The following WWOX variants were observed in gnomAD, a reference collection of about 807,000 sequenced individuals.
WWOX encodes WW domain-containing oxidoreductase.
A neutral mutation model predicts 46.2 loss-of-function variants in WWOX; 69 were observed. That is an observed-to-expected ratio of 1.49 (90% CI 1.23 to 1.82). The LOEUF is 1.82. Among genes scored for constraint, WWOX ranks in the 40% most tolerant of loss-of-function variants. WWOX has a pLI of 0.00. For synonymous variants in WWOX, 359 were observed against 202.6 expected (o/e 1.77, Z -6.56); for missense variants, 919 against 542.6 (o/e 1.69, Z -6.89).
chr16:78,158,731 T>A (rs1349944666), intron 4 of WWOX, among the ~76,000 whole-genome samples: 2 of 152,176 alleles, frequency 1.3e-5, no homozygotes, highest in Non-Finnish European at 2.9e-5. Context: ...ACAACTTTAT[T>A]GAGGTATGAT....
intron 8 of WWOX, among the ~76,000 whole-genome samples, chr16:79,012,009 T>C (rs925058420): frequency 6.6e-6 from 1 of 152,112 alleles, no homozygotes; most frequent in African/African-American, 2.4e-5. Context: ...TGTCCCTCAC[T>C]TCTGAATAGT....
At chr16:78,713,755 G>C (rs1160094155) in intron 8 of WWOX, among the ~76,000 whole-genome samples, 1 of 152,134 alleles carries the variant, frequency 6.6e-6, no homozygotes, top group Non-Finnish European at 1.5e-5. Context: ...TCAGAACTGT[G>C]AGAAAATCAA....
At chr16:79,046,180 G>C (rs1567512048) in intron 8 of WWOX, among the ~76,000 whole-genome samples, 5 of 152,190 alleles carry the variant, frequency 3.3e-5, no homozygotes. Flanking sequence ...TTGCTCAAGA[G>C]AAGTAGCCAC....
intron 8 of WWOX, among the ~76,000 whole-genome samples, chr16:78,466,991 A>T (rs930371380): frequency 6.6e-6 from 1 of 151,638 alleles, no homozygotes; most frequent in African/African-American, 2.4e-5. Flanking sequence ...CCTACCCTGC[A>T]TGGGGTTATT....
At chr16:78,910,709 G>A (rs575840017) in intron 8 of WWOX, among the ~76,000 whole-genome samples, 1 of 152,090 alleles carries the variant, frequency 6.6e-6, no homozygotes, top group African/African-American at 2.4e-5. Flanking sequence ...AAGAGAACTT[G>A]TGCAGGGGAA....
rs181446444 is a variant in WWOX, at chr16:78,295,884, C to G, written c.517-90976C>G. 9.0e-4 allele frequency among the ~76,000 whole-genome samples: 137 copies of G among 152,306 alleles called. 1 individual carries two copies. Among genetic ancestry groups the G allele is most frequent in the Non-Finnish European group, 1.0e-3 (69 of 68,026 alleles). ...CAAAGATCTGCATTTCTAGCAAGTT[C>G]CCAGATGATGTTGATGATGATGCCT... On this transcript the variant is annotated intron_variant, in intron 5 of 8. Transcript: ENST00000566780.
chr16:78,717,900 T>G (rs571684500), intron 8 of WWOX, among the ~76,000 whole-genome samples: 13 of 152,324 alleles, frequency 8.5e-5, no homozygotes, highest in African/African-American at 3.1e-4. Flanking sequence ...TGAAACCTAT[T>G]CACGACATAG....
rs1048747484 is a variant in WWOX, at chr16:78,993,296, A to C, written c.1057-218312A>C. Among the ~76,000 whole-genome samples, 3 of 152,090 alleles carry C rather than the reference A, an allele frequency of 2.0e-5. No homozygotes were observed. In the South Asian group the frequency reaches 6.2e-4, roughly 32 times the overall value. ...GGGAGGTTGGGGAAGGGAGGCCCTG[A>C]AATTGCTTTTTATAATTAAAAAGGG... On this transcript the variant is annotated intron_variant, in intron 8 of 8. Transcript: ENST00000566780.
chr16:78,285,135 C>T (rs1288149331), intron 5 of WWOX, among the ~76,000 whole-genome samples: 3 of 152,120 alleles, frequency 2.0e-5, no homozygotes, highest in African/African-American at 7.2e-5. Flanking sequence ...GTCACTCCCT[C>T]AGAAGGGAAG....
At chr16:78,112,813 C>T (rs1190569023) in intron 3 of WWOX, among the ~76,000 whole-genome samples, 3 of 151,826 alleles carry the variant, frequency 2.0e-5, no homozygotes, top group Non-Finnish European at 4.4e-5. Context: ...GATCCTCCTG[C>T]CTCAGCCTTC....
intron 4 of WWOX, among the ~76,000 whole-genome samples, chr16:78,135,914 G>C (rs73564565): frequency 1.3e-5 from 2 of 152,094 alleles, no homozygotes; most frequent in African/African-American, 4.8e-5. Context: ...TGCAAATGTG[G>C]GTGGGTGATT....
chr16:78,441,885 T>C (rs2083452411), intron 8 of WWOX, among the ~76,000 whole-genome samples: 1 of 152,008 alleles, frequency 6.6e-6, no homozygotes, highest in Non-Finnish European at 1.5e-5. Flanking sequence ...ATAACCATTA[T>C]TGCTGTCATT....
At chr16:78,134,886 A>G (rs1299138652) in intron 4 of WWOX, among the ~76,000 whole-genome samples, 1 of 152,216 alleles carries the variant, frequency 6.6e-6, no homozygotes, top group Non-Finnish European at 1.5e-5. Flanking sequence ...CCCACTGTGG[A>G]TAGATACGCA....
intron 8 of WWOX, among the ~76,000 whole-genome samples, chr16:78,607,590 G>C (rs903877013): frequency 6.6e-6 from 1 of 151,584 alleles, no homozygotes. Context: ...AGTCTCCAAA[G>C]AATGACCATC....
intron 8 of WWOX, among the ~76,000 whole-genome samples, chr16:78,544,382 C>T (rs893813638): frequency 3.9e-5 from 6 of 151,966 alleles, no homozygotes; most frequent in African/African-American, 1.4e-4. Flanking sequence ...TTTAATCTTC[C>T]CTACAACCTT....
intron 8 of WWOX, among the ~76,000 whole-genome samples, chr16:79,046,522 G>T (rs2048068333): frequency 6.6e-6 from 1 of 152,200 alleles, no homozygotes; most frequent in Non-Finnish European, 1.5e-5. Flanking sequence ...CTGATTCATA[G>T]ATGTCTGCCC....
Position 78,825,725 on chromosome 16 carries a change from G to T in WWOX, c.1057-385883G>T, listed in dbSNP as rs1015068221. On this transcript the variant is annotated intron_variant, in intron 8 of 8. Transcript: ENST00000566780. ...TCTGAGGACAGAGGGTCAAATCCAT[G>T]AGTTTGTGGATGGCCTGATGATCCC... is the stretch of plus-strand genomic sequence containing the variant. 41 of 571,078 alleles carry T rather than the reference G, an allele frequency of 7.2e-5. No individual in the cohort carries two copies. The Admixed American group carries it at 8.9e-4, about 12-fold the overall frequency. 35.4% of individuals were successfully genotyped at this position (571,078 alleles called of 1,614,324 possible).
rs370547985 is a variant in WWOX at position 78,373,379 on chromosome 16, A to G, written c.517-13481A>G. Reference sequence around the variant, plus strand: ...GTATTGTCCCCTAGGAACTTATTATAACTTAACGTTTATCTCATGGAAGGT... The same window carrying G: ...GTATTGTCCCCTAGGAACTTATTATGACTTAACGTTTATCTCATGGAAGGT... On this transcript the variant is annotated intron_variant, in intron 5 of 8. Coordinates refer to ENST00000566780, the MANE Select transcript of WWOX (RefSeq NM_016373.4). Among the ~76,000 whole-genome samples the G allele has an allele frequency of 1.8e-4, 28 of 152,280 alleles. No individual in the cohort carries two copies. The East Asian group carries it at 4.4e-3, about 24-fold the overall frequency.
rs764680069 is a variant in WWOX, at chr16:78,267,957, A to G, written c.516+103668A>G. 5.3e-5 allele frequency among the ~76,000 whole-genome samples: 8 copies of G among 152,164 alleles called. No individual in the cohort carries two copies. The South Asian group carries it at 1.2e-3, about 24-fold the overall frequency. Reference sequence around the variant, plus strand: ...CTCAGCCTCCTGAGTAGCTGGGACTATAGGTGCGTGCCCCCACGCCTGGCT... The same window carrying G: ...CTCAGCCTCCTGAGTAGCTGGGACTGTAGGTGCGTGCCCCCACGCCTGGCT... On this transcript the variant is annotated intron_variant, in intron 5 of 8. Coordinates refer to ENST00000566780, the MANE Select transcript of WWOX (RefSeq NM_016373.4).
Sources: allele counts gnomAD v4.1 joint callset (sites outside exome capture counted in the v4.1 genomes callset), GRCh38; gene constraint gnomAD v4.1.1; transcripts MANE v1.5; gene names NCBI Gene and HGNC (gene_info 2026-07-23, HGNC 2026-07-21).